SMC6: variants seen among roughly 807,000 people sequenced by gnomAD.
SMC6 encodes the protein structural maintenance of chromosomes protein 6.
Under a neutral mutation model 142.2 loss-of-function variants are expected in SMC6, and 79 were observed. The ratio of observed to expected loss-of-function variants is 0.56; its 90% CI spans 0.46 to 0.67. The LOEUF is 0.67. Among genes scored for constraint, SMC6 ranks in the 30% least tolerant of loss-of-function variants. SMC6 has a pLI of 0.00. For missense variants in SMC6, 1,072 were observed against 1,284.0 expected (o/e 0.83, Z 2.52); for synonymous variants, 411 against 412.4 (o/e 1.00, Z 0.04).
intron 5 of SMC6, among the ~76,000 whole-genome samples, chr2:17,737,627 A>C (rs1670221176): frequency 6.6e-6 from 1 of 152,236 alleles, no homozygotes; most frequent in Admixed American, 6.5e-5. Context: ...ATATAAATGT[A>C]AAGCCAAAGA....
chr2:17,745,677 T>C (rs1004815943), intron 3 of SMC6, 150 bp downstream of exon 3: 3 of 703,814 alleles, frequency 4.3e-6, no homozygotes, highest in African/African-American at 3.7e-5. Context: ...ATAATTAACA[T>C]AAGCTTCAAA....
intron 24 of SMC6, chr2:17,679,811 C>T (rs1267843459): frequency 6.6e-6 from 1 of 152,484 alleles, no homozygotes; most frequent in Non-Finnish European, 1.5e-5. Flanking sequence ...CTCCATGGAG[C>T]CCTGGTTCCT....
chr2:17,739,258 C>T lies in SMC6; in HGVS notation c.239-932G>A, dbSNP rs147315006. On this transcript the variant is annotated intron_variant, in intron 4 of 27. Coordinates refer to ENST00000448223, the MANE Select transcript of SMC6 (RefSeq NM_001142286.2). ...GTATGGTGGCTCATACCTGTAATCC[C>T]AGCGTTTTGGGAGGCTGAGATGGGA... 2.7e-3 allele frequency among the ~76,000 whole-genome samples: 415 copies of T among 152,206 alleles called. 3 individuals are homozygous for T. Among genetic ancestry groups the T allele is most frequent in the African/African-American group, 9.3e-3 (386 of 41,506 alleles).
At chr2:17,727,665 A>T (rs1292358546) in intron 7 of SMC6, among the ~76,000 whole-genome samples, 1 of 152,168 alleles carries the variant, frequency 6.6e-6, no homozygotes, top group Non-Finnish European at 1.5e-5. Context: ...AAAAAGATTC[A>T]GGGTCATTAC....
At position 17,714,797 on chromosome 2, in the gene SMC6, A is replaced by G; in HGVS notation, c.1730+64T>C. On this transcript the variant is annotated intron_variant, in intron 16 of 27. Coordinates refer to ENST00000448223, the MANE Select transcript of SMC6 (RefSeq NM_001142286.2). The stretch of plus-strand genomic sequence containing the variant: ...TATGATTAACATTAAAAGTGTTTTA[A>G]CTCTTTCCAATCTTGCATATGATTA... 2.7e-6 allele frequency: 4 copies of G among 1,504,618 alleles called. No individual in the cohort carries two copies. In the South Asian group the frequency reaches 4.7e-5, roughly 18 times the overall value. The allele number at this position is 1,504,618 out of a possible 1,614,324, so 93.2% of individuals were successfully genotyped here. A position where few individuals can be genotyped will look rare whatever the true frequency, so the allele number is the denominator to read the frequency against.
intron 20 of SMC6, 86 bp from the exon 21 acceptor site, chr2:17,700,464 G>A (rs1342760604): frequency 2.7e-6 from 3 of 1,097,574 alleles, no homozygotes; most frequent in African/African-American, 3.2e-5. Context: ...TCTGAGAGAG[G>A]AGAAACTATA....
At chr2:17,713,831 C>T (rs973365931) in intron 16 of SMC6, among the ~76,000 whole-genome samples, 4 of 152,178 alleles carry the variant, frequency 2.6e-5, no homozygotes, top group Non-Finnish European at 2.9e-5. Context: ...ATTCTATTTG[C>T]CTACAAGGCA....
chr2:17,732,542 T>C (rs748487433), intron 5 of SMC6, among the ~76,000 whole-genome samples: 3 of 151,426 alleles, frequency 2.0e-5, no homozygotes, highest in Non-Finnish European at 4.4e-5. Context: ...CTACAAAAAA[T>C]ACAAAAATTA....
At chr2:17,740,772 C>T (rs74208402) in intron 4 of SMC6, 2 of 431,688 alleles carry the variant, frequency 4.6e-6, no homozygotes, top group Non-Finnish European at 9.3e-6. Context: ...ATCGCTTGAA[C>T]CTGGGAGGCA....
At chr2:17,686,473 C>T (rs759954754) in intron 23 of SMC6, among the ~76,000 whole-genome samples, 8 of 152,092 alleles carry the variant, frequency 5.3e-5, no homozygotes, top group Non-Finnish European at 1.0e-4. Context: ...CAGAGTGAGA[C>T]TCCGTCCCAA....
At chr2:17,730,851 T>A (rs907021647) in intron 7 of SMC6, among the ~76,000 whole-genome samples, 1 of 151,592 alleles carries the variant, frequency 6.6e-6, no homozygotes, top group African/African-American at 2.4e-5. Context: ...TGACCTCAGG[T>A]GATCCACCCG....
intron 24 of SMC6, among the ~76,000 whole-genome samples, chr2:17,683,146 C>T (rs1667307127): frequency 1.3e-5 from 2 of 152,088 alleles, no homozygotes. Context: ...TCCAGTTTCC[C>T]TAATTCTGTA....
intron 26 of SMC6, among the ~76,000 whole-genome samples, chr2:17,669,647 A>C (rs1666663535): frequency 6.6e-6 from 1 of 152,192 alleles, no homozygotes; most frequent in Non-Finnish European, 1.5e-5. Context: ...AATACTTCAA[A>C]AAATAAGGTA....
intron 18 of SMC6, among the ~76,000 whole-genome samples, chr2:17,705,211 T>C (rs1337842259): frequency 6.6e-6 from 1 of 151,746 alleles, no homozygotes; most frequent in African/African-American, 2.4e-5. Flanking sequence ...TGAGCCAAGA[T>C]TGCACCACTG....
At chr2:17,673,565 T>C (rs1666864411) in intron 25 of SMC6, among the ~76,000 whole-genome samples, 1 of 150,152 alleles carries the variant, frequency 6.7e-6, no homozygotes, top group Non-Finnish European at 1.5e-5. Context: ...AAAAAAAATT[T>C]TTTTTTTTAA....
At chr2:17,741,995 T>C (rs1054527963) in intron 3 of SMC6, among the ~76,000 whole-genome samples, 1 of 152,202 alleles carries the variant, frequency 6.6e-6, no homozygotes, top group Non-Finnish European at 1.5e-5. Flanking sequence ...TAATTTTTTG[T>C]TAGTGGAGGG....
chr2:17,686,416 A>G (rs1667456002), intron 23 of SMC6, among the ~76,000 whole-genome samples: 1 of 152,172 alleles, frequency 6.6e-6, no homozygotes, highest in Non-Finnish European at 1.5e-5. Flanking sequence ...CAGGAGGCAG[A>G]GGTTGCAGTG....
At chr2:17,728,969 T>C (rs1406138394) in intron 7 of SMC6, among the ~76,000 whole-genome samples, 2 of 152,104 alleles carry the variant, frequency 1.3e-5, no homozygotes, top group Non-Finnish European at 2.9e-5. Context: ...AGCCTGGTCT[T>C]GAACTCCTGA....
chr2:17,731,179 AG>A, intron 6 of SMC6, 40 bp from the exon 7 acceptor site: 2 of 1,375,216 alleles, frequency 1.5e-6, no homozygotes, highest in Non-Finnish European at 2.0e-6. Context: ...AACTGTTTCT[AG>A]GGCATAACAC....
Sources: gnomAD v4.1 joint callset for allele counts (sites outside exome capture counted in the v4.1 genomes callset) on GRCh38, gnomAD v4.1.1 for gene constraint, MANE v1.5 for transcripts, NCBI Gene and HGNC (gene_info 2026-07-23, HGNC 2026-07-21) for gene names.